Variants in CCDC148 observed in about 807,000 individuals in gnomAD.
CCDC148 encodes coiled-coil domain-containing protein 148.
CCDC148 carries 89 observed loss-of-function variants against 85.7 expected under a neutral mutation model. The ratio of observed to expected loss-of-function variants is 1.04; its 90% CI spans 0.87 to 1.24. The LOEUF is 1.24. Among genes scored for constraint, CCDC148 ranks in the 50% most tolerant of loss-of-function variants. The pLI, the probability that CCDC148 is intolerant of heterozygous loss-of-function variation, is 0.00. For missense variants in CCDC148, 692 were observed against 671.7 expected, an observed-to-expected ratio of 1.03 and a Z score of -0.33; for synonymous variants, 230 against 213.9, an observed-to-expected ratio of 1.08 and a Z score of -0.66.
chr2:158,273,127 C>G (rs1490507929), intron 9 of CCDC148, among the ~76,000 whole-genome samples: 1 of 152,078 alleles, frequency 6.6e-6, no homozygotes, highest in East Asian at 1.9e-4. Context: ...TTCTGTGCTA[C>G]AAATTATGAT....
intron 1 of CCDC148, among the ~76,000 whole-genome samples, chr2:158,377,865 T>C (rs1684719019): frequency 6.6e-6 from 1 of 152,136 alleles, no homozygotes; most frequent in African/African-American, 2.4e-5. Context: ...AAATGTTGTG[T>C]GTATTCTGAC....
intron 1 of CCDC148, among the ~76,000 whole-genome samples, chr2:158,389,620 T>C (rs1418517896): frequency 6.6e-6 from 1 of 152,208 alleles, no homozygotes; most frequent in African/African-American, 2.4e-5. Context: ...AAGTGAAAAA[T>C]GCTCTGTAGG....
intron 10 of CCDC148, among the ~76,000 whole-genome samples, chr2:158,245,532 A>G (rs972856626): frequency 6.6e-6 from 1 of 152,196 alleles, no homozygotes. Flanking sequence ...AGACGAGGGG[A>G]GAGATATGTC....
intron 11 of CCDC148, among the ~76,000 whole-genome samples, chr2:158,186,856 T>C (rs1438338010): frequency 2.6e-5 from 4 of 152,048 alleles, no homozygotes; most frequent in Non-Finnish European, 5.9e-5. Context: ...TCAGGCTTTA[T>C]CTCATTCTCT....
chr2:158,386,297 T>C (rs1685084330), intron 1 of CCDC148, among the ~76,000 whole-genome samples: 1 of 152,166 alleles, frequency 6.6e-6, no homozygotes, highest in Non-Finnish European at 1.5e-5. Context: ...AACCATGTTT[T>C]GAAACAACTG....
At chr2:158,239,631 C>A (rs914747423) in intron 10 of CCDC148, among the ~76,000 whole-genome samples, 5 of 151,986 alleles carry the variant, frequency 3.3e-5, no homozygotes, top group Admixed American at 3.3e-4. Flanking sequence ...ATGTTTATTT[C>A]TAAGTTTTAA....
At chr2:158,244,371 G>A (rs560377488) in intron 10 of CCDC148, among the ~76,000 whole-genome samples, 2 of 152,208 alleles carry the variant, frequency 1.3e-5, no homozygotes, top group South Asian at 4.1e-4. Flanking sequence ...TGGTGTGGTT[G>A]GGCTCTCTGC....
At chr2:158,344,119 G>A (rs1027444799) in intron 3 of CCDC148, among the ~76,000 whole-genome samples, 3 of 151,970 alleles carry the variant, frequency 2.0e-5, no homozygotes, top group Admixed American at 2.0e-4. Context: ...CACAATTAAA[G>A]CTTCCTAATG....
Position 158,339,192 on chromosome 2 carries a change from A to T in CCDC148, c.487-107T>A, listed in dbSNP as rs1156322348. ...CAAAAGCCAATCAGTGATGAAGTTT[A>T]AAGACCTGTGGAAGAGAGTTAAAGA... On this transcript the variant is annotated intron_variant, in intron 5 of 13. Coordinates refer to ENST00000283233, the MANE Select transcript of CCDC148 (RefSeq NM_138803.4). 3.5e-6 allele frequency: 3 copies of T among 867,842 alleles called. No individual in the cohort carries two copies. In the South Asian group the frequency reaches 4.8e-5, roughly 14 times the overall value. 53.8% of individuals were successfully genotyped at this position (867,842 alleles called of 1,614,324 possible). A position where few individuals can be genotyped will look rare whatever the true frequency, so the allele number is the denominator to read the frequency against.
chr2:158,270,536 A>C (rs1474075994), intron 9 of CCDC148, among the ~76,000 whole-genome samples: 1 of 152,214 alleles, frequency 6.6e-6, no homozygotes, highest in Non-Finnish European at 1.5e-5. Flanking sequence ...AAATGTCCAT[A>C]TAGAGAACAA....
chr2:158,268,642 T>C (rs1482047941), intron 9 of CCDC148, among the ~76,000 whole-genome samples: 1 of 152,172 alleles, frequency 6.6e-6, no homozygotes, highest in Non-Finnish European at 1.5e-5. Flanking sequence ...AATTTAGGAC[T>C]GTTAACTATA....
At chr2:158,400,862 G>GA (rs1685748280) in intron 1 of CCDC148, among the ~76,000 whole-genome samples, 1 of 151,222 alleles carries the variant, frequency 6.6e-6, no homozygotes, top group Non-Finnish European at 1.5e-5. Flanking sequence ...AAATTTACAA[G>GA]AAAAAACCCC....
chr2:158,420,516 C>A (rs544614618), intron 1 of CCDC148, among the ~76,000 whole-genome samples: 6 of 152,166 alleles, frequency 3.9e-5, no homozygotes, highest in African/African-American at 1.4e-4. Flanking sequence ...GAAATAAAAT[C>A]CTTTACAGAC....
chr2:158,288,542 C>G (rs769713302), intron 9 of CCDC148: 1 of 154,504 alleles, frequency 6.5e-6, no homozygotes, highest in Non-Finnish European at 1.4e-5. Context: ...CATCTTTGCT[C>G]CAGTTCCCAA....
At chr2:158,289,638 T>C (rs1479913430) in intron 9 of CCDC148, among the ~76,000 whole-genome samples, 2 of 152,184 alleles carry the variant, frequency 1.3e-5, no homozygotes, top group Admixed American at 1.3e-4. Context: ...CTGGTACAAG[T>C]TCTGGTACAA....
At chr2:158,191,585 T>C (rs1280678727) in intron 11 of CCDC148, among the ~76,000 whole-genome samples, 1 of 150,100 alleles carries the variant, frequency 6.7e-6, no homozygotes, top group East Asian at 1.9e-4. Context: ...ATTTTAAACA[T>C]GCTTTAAAAA....
chr2:158,290,756 G>A (rs1317517442), intron 9 of CCDC148, among the ~76,000 whole-genome samples: 1 of 152,090 alleles, frequency 6.6e-6, no homozygotes, highest in Non-Finnish European at 1.5e-5. Context: ...TGAGGGTTGG[G>A]ATTTTGGAAT....
chr2:158,243,579 G>A (rs368943414), intron 10 of CCDC148, among the ~76,000 whole-genome samples: 6 of 152,050 alleles, frequency 3.9e-5, no homozygotes, highest in African/African-American at 1.4e-4. Context: ...AAGCTTCCTG[G>A]AGGCCTGCTA....
At chr2:158,273,898 A>G (rs1209842414) in intron 9 of CCDC148, among the ~76,000 whole-genome samples, 1 of 152,102 alleles carries the variant, frequency 6.6e-6, no homozygotes, top group African/African-American at 2.4e-5. Flanking sequence ...AGTGCTTAGG[A>G]AAGGATTCCA....
Sources: allele counts gnomAD v4.1 joint callset (sites outside exome capture counted in the v4.1 genomes callset), GRCh38; gene constraint gnomAD v4.1.1; transcripts MANE v1.5; gene names NCBI Gene and HGNC (gene_info 2026-07-23, HGNC 2026-07-21).